Variants in CCNQ observed in about 807,000 individuals in gnomAD.
CCNQ encodes the protein cyclin Q, also known as cyclin-Q.
A neutral mutation model predicts 17.7 loss-of-function variants in CCNQ; 3 were observed. The ratio of observed to expected loss-of-function variants is 0.17; its 90% CI spans 0.08 to 0.44. The LOEUF is 0.44. Among genes scored for constraint, CCNQ ranks in the 20% least tolerant of loss-of-function variants. CCNQ has a pLI of 0.99. For missense variants in CCNQ, 146 were observed against 222.6 expected, an observed-to-expected ratio of 0.66 and a Z score of 2.19; for synonymous variants, 73 against 96.0, an observed-to-expected ratio of 0.76 and a Z score of 1.40.
At chrX:153,591,193 G>A (rs1405965706) in intron 4 of CCNQ, among the ~76,000 whole-genome samples, 3 of 111,912 alleles carry the variant, frequency 2.7e-5, no homozygotes, top group African/African-American at 6.5e-5. Context: ...TCAGGCCCTC[G>A]CACCCCGCCA....
In CCNQ at chrX:153,599,027, G is replaced by C; in HGVS notation, c.47C>G (p.Pro16Arg). 2.7e-6 allele frequency: 3 copies of C among 1,111,636 alleles called. No individual in the cohort carries two copies. The highest frequency in any genetic ancestry group is 3.5e-6 in the Non-Finnish European group (3 of 849,125). 91.6% of individuals were successfully genotyped at this position (1,111,636 alleles called of 1,213,427 possible). A position where few individuals can be genotyped will look rare whatever the true frequency, so the allele number is the denominator to read the frequency against. ...GGGGGPAARG[P>R]EGQPAPEARV... ...GGCTTCGGGCGCCGGCTGCCCCTCC[G>C]GGCCCCGCGCTGCAGGCCCCCCTCC... The change falls in exon 1 of 5, where the codon CCG becomes CGG. Residue 16 changes from proline (P) to arginine (R), a missense_variant. By Grantham distance (103) the Pro-to-Arg change is moderately radical (BLOSUM62 -2). Coordinates refer to ENST00000576892, the MANE Select transcript of CCNQ (RefSeq NM_152274.5).
intron 4 of CCNQ, among the ~76,000 whole-genome samples, chrX:153,588,809 AGAG>A (rs782726814): frequency 2.7e-5 from 3 of 112,852 alleles, no homozygotes; most frequent in African/African-American, 9.6e-5. Context: ...GACACTGGCA[AGAG>A]GAGAGGGTGG....
intron 4 of CCNQ, among the ~76,000 whole-genome samples, chrX:153,591,719 T>C (rs1557025831): frequency 9.1e-6 from 1 of 110,473 alleles, no homozygotes; most frequent in Non-Finnish European, 1.9e-5. Context: ...GCACACTGCC[T>C]TGGGGACAGG....
chrX:153,594,105 C>T (rs887728337), intron 3 of CCNQ, among the ~76,000 whole-genome samples: 3 of 112,992 alleles, frequency 2.7e-5, no homozygotes, highest in African/African-American at 9.6e-5. Flanking sequence ...TTGACTCAAG[C>T]GATTTGGCTT....
intron 3 of CCNQ, among the ~76,000 whole-genome samples, chrX:153,593,790 G>A (rs1476642487): frequency 8.9e-6 from 1 of 112,498 alleles, no homozygotes; most frequent in East Asian, 2.8e-4. Context: ...TGTTGGTTTT[G>A]GCATCCTGGC....
chrX:153,592,658 T>C lies in CCNQ; in HGVS notation c.505A>G (p.Thr169Ala). 1 of 1,211,287 alleles carries C rather than the reference T, an allele frequency of 8.3e-7. No individual in the cohort carries two copies. Residue 169 changes from threonine to alanine, a missense_variant, in exon 4 of 5, where the codon ACC (threonine) becomes GCC (alanine). Physicochemically the swap from Thr to Ala is moderately conservative, Grantham distance 58 (BLOSUM62 0). Transcript: ENST00000576892. ...CTGTCCCGCAGCAGGGCCCAGGCGG[T>C]GACGGCAACAGGGGTCCGCTGCCAG... ...HSWQRTPVAVTAWALLRDSYH... is the reference protein window; with the variant it reads ...HSWQRTPVAVAAWALLRDSYH...
chrX:153,595,220 C>T (rs1305878528), intron 2 of CCNQ, among the ~76,000 whole-genome samples: 2 of 113,415 alleles, frequency 1.8e-5, no homozygotes, highest in South Asian at 3.6e-4. Context: ...TGGGCTCAAG[C>T]GATCCTCCCG....
chrX:153,589,824 C>G (rs1482073406), intron 4 of CCNQ, among the ~76,000 whole-genome samples: 2 of 112,235 alleles, frequency 1.8e-5, no homozygotes, highest in African/African-American at 3.2e-5. Flanking sequence ...GCATAGCTGT[C>G]TTACCCTGGG....
chrX:153,591,663 C>T (rs1315974594), intron 4 of CCNQ, among the ~76,000 whole-genome samples: 2 of 110,930 alleles, frequency 1.8e-5, no homozygotes, highest in Non-Finnish European at 3.8e-5. Flanking sequence ...CCTGAGCAGC[C>T]CGAGCGTGGG....
intron 4 of CCNQ, among the ~76,000 whole-genome samples, chrX:153,590,668 G>GAAC (rs1332048466): frequency 8.9e-6 from 1 of 112,191 alleles, no homozygotes; most frequent in Non-Finnish European, 1.9e-5. Context: ...GTACAATTTA[G>GAAC]GTGATGTCTA....
intron 4 of CCNQ, among the ~76,000 whole-genome samples, chrX:153,589,213 G>A (rs957845655): frequency 3.5e-5 from 4 of 113,100 alleles, no homozygotes; most frequent in African/African-American, 1.3e-4. Context: ...TGCAGCCCAA[G>A]TGACCAGGGT....
chrX:153,596,173 T>G lies in CCNQ; in HGVS notation c.127A>C (p.Met43Leu), dbSNP rs537796562. 3 of 1,210,685 alleles carry G rather than the reference T, an allele frequency of 2.5e-6. No homozygotes were observed. Among genetic ancestry groups the G allele is most frequent in the Middle Eastern group, 4.6e-4 (2 of 4,352 alleles). The change falls in exon 2 of 5, where the codon ATG (methionine) becomes CTG (leucine). Residue 43 changes from methionine to leucine, a missense_variant. Transcript: ENST00000576892. ...GCAGTGGCAATGGGAATGGACCGCATCCCTAGCTTGACACCTGCGGAGAGA... is the reference window on the plus strand; with the variant it reads ...GCAGTGGCAATGGGAATGGACCGCAGCCCTAGCTTGACACCTGCGGAGAGA... ...FIMEAGVKLG[M>L]RSIPIATACT...
In CCNQ at chrX:153,595,585, C is replaced by A. The variant is rs781792623; in HGVS notation, c.296+419G>T. On this transcript the variant is annotated intron_variant, in intron 2 of 4. Coordinates refer to ENST00000576892, the MANE Select transcript of CCNQ (RefSeq NM_152274.5). ...GGCCGGCTGTGCCATGCCCACGCCACACCCACAGCAGGGCGAGGCTCCTAA... is the reference window on the plus strand; with the variant it reads ...GGCCGGCTGTGCCATGCCCACGCCAAACCCACAGCAGGGCGAGGCTCCTAA... Among the ~76,000 whole-genome samples the A allele has an allele frequency of 2.6e-5, 3 of 113,370 alleles. No individual in the cohort carries two copies. The South Asian group carries it at 1.1e-3, about 40-fold the overall frequency.
intron 1 of CCNQ, among the ~76,000 whole-genome samples, chrX:153,598,329 T>C (rs368582848): frequency 5.4e-5 from 6 of 111,364 alleles, no homozygotes; most frequent in South Asian, 3.8e-4. Context: ...GGAAGGATAA[T>C]TGCTTTAGTC....
rs368014262 is a variant in CCNQ, at chrX:153,591,669, G to A, written c.657+837C>T. 3.4e-4 allele frequency among the ~76,000 whole-genome samples: 38 copies of A among 110,863 alleles called. 1 individual carries two copies. Among genetic ancestry groups the A allele is most frequent in the Admixed American group, 2.4e-3 (25 of 10,384 alleles). ...GTGAAAGTCCCTGAGCAGCCCGAGC[G>A]TGGGGCAACACTGTCTACACAGATG... On this transcript the variant is annotated intron_variant, in intron 4 of 4. Transcript: ENST00000576892.
At chrX:153,593,507 G>A (rs781794562) in intron 3 of CCNQ, among the ~76,000 whole-genome samples, 1 of 111,774 alleles carries the variant, frequency 8.9e-6, no homozygotes, top group South Asian at 3.7e-4. Context: ...GCAGCCACCA[G>A]GGCATCTCCC....
chrX:153,588,758 T>C (rs1188549898), intron 4 of CCNQ, among the ~76,000 whole-genome samples: 2 of 112,844 alleles, frequency 1.8e-5, no homozygotes, highest in Admixed American at 1.9e-4. Context: ...CACAGGCTCC[T>C]GCCTCCTGCC....
Position 153,588,186 on chromosome X carries a change from C to T in CCNQ, c.*179G>A, listed in dbSNP as rs1557024925. The T allele has an allele frequency of 1.7e-5, 9 of 541,047 alleles. No individual in the cohort carries two copies. The highest frequency in any genetic ancestry group is 1.4e-4 in the African/African-American group (6 of 44,256). 44.6% of individuals were successfully genotyped at this position (541,047 alleles called of 1,213,427 possible). A position where few individuals can be genotyped will look rare whatever the true frequency, so the allele number is the denominator to read the frequency against. On this transcript the variant is annotated 3_prime_UTR_variant, in exon 5 of 5. Coordinates refer to ENST00000576892, the MANE Select transcript of CCNQ (RefSeq NM_152274.5). ...GCGGCTCCCACCATCACCTGCACCG[C>T]GACTTCTAGGGACTGGCAAAGCGGC...
Position 153,588,210 on chromosome X carries a change from G to A in CCNQ, c.*155C>T, listed in dbSNP as rs1168938911. On this transcript the variant is annotated 3_prime_UTR_variant, in exon 5 of 5. Coordinates refer to ENST00000576892, the MANE Select transcript of CCNQ (RefSeq NM_152274.5). ...GCGACTTCTAGGGACTGGCAAAGCG[G>A]CAGCATGCCATTGCCTTCTCCAGCC... The A allele has an allele frequency of 1.1e-5, 6 of 569,530 alleles. No individual in the cohort carries two copies. The highest frequency in any genetic ancestry group is 1.3e-5 in the Non-Finnish European group (4 of 314,139). 46.9% of individuals were successfully genotyped at this position (569,530 alleles called of 1,213,427 possible).
Sources: gnomAD v4.1 joint callset for allele counts (sites outside exome capture counted in the v4.1 genomes callset) on GRCh38, gnomAD v4.1.1 for gene constraint, MANE v1.5 for transcripts, NCBI Gene and HGNC (gene_info 2026-07-23, HGNC 2026-07-21) for gene names.